Variants in SLC8A1 observed in about 807,000 individuals in gnomAD.
SLC8A1 encodes the protein sodium/calcium exchanger 1.
In SLC8A1, 18 loss-of-function variants were observed where a neutral mutation model predicts 68.3. The observed-to-expected ratio is 0.26, with a 90% CI of 0.18 to 0.39. SLC8A1 has a LOEUF of 0.39. Among genes scored for constraint, SLC8A1 ranks in the 10% least tolerant of loss-of-function variants. SLC8A1 has a pLI of 1.00. For synonymous variants in SLC8A1, 475 were observed against 415.5 expected, an observed-to-expected ratio of 1.14 and a Z score of -1.74; for missense variants, 985 against 1,156.7, an observed-to-expected ratio of 0.85 and a Z score of 2.15.
chr2:40,493,179 G>T (rs1430004824), intron 1 of SLC8A1, among the ~76,000 whole-genome samples: 2 of 152,092 alleles, frequency 1.3e-5, no homozygotes, highest in Non-Finnish European at 2.9e-5. Context: ...AAAATGATGA[G>T]TTCCTGTCCT....
chr2:40,170,989 C>A (rs140337329), intron 4 of SLC8A1, among the ~76,000 whole-genome samples: 1 of 152,134 alleles, frequency 6.6e-6, no homozygotes. Context: ...CTAGGGTTAA[C>A]CTAGGCCTAG....
intron 2 of SLC8A1, among the ~76,000 whole-genome samples, chr2:40,302,762 G>A (rs990892759): frequency 6.6e-6 from 1 of 152,016 alleles, no homozygotes; most frequent in African/African-American, 2.4e-5. Flanking sequence ...ACCCAGGAGT[G>A]GAATTACTGG....
chr2:40,454,224 A>G (rs138290162), upstream of SLC8A1, among the ~76,000 whole-genome samples: 23 of 152,326 alleles, frequency 1.5e-4, no homozygotes, highest in African/African-American at 5.5e-4. Context: ...AAAGCTTATA[A>G]CTAAAGACTC....
intron 2 of SLC8A1, among the ~76,000 whole-genome samples, chr2:40,291,216 TCAAA>T (rs1161296486): frequency 1.3e-5 from 2 of 152,146 alleles, no homozygotes; most frequent in Non-Finnish European, 1.5e-5. Flanking sequence ...GAGTATTTTC[TCAAA>T]CAAACTTTCC....
intron 2 of SLC8A1, among the ~76,000 whole-genome samples, chr2:40,384,698 A>T (rs13405465): frequency 0.37 from 56,102 of 152,004 alleles, 11,470 homozygotes; most frequent in Non-Finnish European, 0.45. Flanking sequence ...GTTTTGTTAA[A>T]AAATTTCAAG....
intron 2 of SLC8A1, among the ~76,000 whole-genome samples, chr2:40,190,995 T>G (rs2051711337): frequency 6.6e-6 from 1 of 152,168 alleles, no homozygotes; most frequent in African/African-American, 2.4e-5. Context: ...GAATATTCAT[T>G]TTCTAATTCA....
At chr2:40,497,136 G>A (rs900643416) in intron 1 of SLC8A1, among the ~76,000 whole-genome samples, 4 of 152,124 alleles carry the variant, frequency 2.6e-5, no homozygotes, top group Middle Eastern at 6.8e-3. Context: ...AGAAAAAATA[G>A]GATTATTAAA....
intron 2 of SLC8A1, among the ~76,000 whole-genome samples, chr2:40,196,494 A>T (rs925087745): frequency 6.6e-6 from 1 of 151,980 alleles, no homozygotes; most frequent in African/African-American, 2.4e-5. Flanking sequence ...TTTCCTGTGA[A>T]GCTTTAGAAA....
intron 2 of SLC8A1, among the ~76,000 whole-genome samples, chr2:40,390,641 T>A (rs72941959): frequency 6.6e-6 from 1 of 152,216 alleles, no homozygotes; most frequent in Non-Finnish European, 1.5e-5. Context: ...TCTTATCCTA[T>A]AGACAGATCA....
chr2:40,387,789 T>A (rs1460794734), intron 2 of SLC8A1, among the ~76,000 whole-genome samples: 1 of 146,110 alleles, frequency 6.8e-6, no homozygotes, highest in African/African-American at 2.8e-5. Flanking sequence ...AACACAAAAA[T>A]TAGCGGGTGT....
At chr2:40,134,222 G>A (rs1245178344) in intron 7 of SLC8A1, among the ~76,000 whole-genome samples, 1 of 151,970 alleles carries the variant, frequency 6.6e-6, no homozygotes, top group Non-Finnish European at 1.5e-5. Flanking sequence ...CTCCCGAACA[G>A]CTGGGATTAC....
intron 2 of SLC8A1, among the ~76,000 whole-genome samples, chr2:40,191,961 A>G (rs2051949976): frequency 1.3e-5 from 2 of 152,116 alleles, no homozygotes; most frequent in Non-Finnish European, 2.9e-5. Context: ...GACCTACGGG[A>G]TCTAGATTTG....
chr2:40,155,618 T>C (rs903279116), intron 6 of SLC8A1, among the ~76,000 whole-genome samples: 4 of 152,154 alleles, frequency 2.6e-5, no homozygotes, highest in African/African-American at 9.7e-5. Flanking sequence ...TATTAAGACT[T>C]TTAGAGTAGA....
chr2:40,350,030 T>C (rs1416850847), intron 2 of SLC8A1, among the ~76,000 whole-genome samples: 2 of 152,184 alleles, frequency 1.3e-5, no homozygotes, highest in Non-Finnish European at 2.9e-5. Context: ...CTGTAGACTA[T>C]GCATTTTCCT....
rs567452419 is a variant in SLC8A1, at chr2:40,177,999, C to G, written c.1809-144G>C. The G allele has an allele frequency of 4.8e-6, 3 of 625,244 alleles. No homozygotes were observed. The East Asian group carries it at 8.3e-5, about 17-fold the overall frequency. 38.7% of individuals were successfully genotyped at this position (625,244 alleles called of 1,614,324 possible). A position where few individuals can be genotyped will look rare whatever the true frequency, so the allele number is the denominator to read the frequency against. ...CCTCCTGAAGTATGTAAAAGGGCATCTTGGGTACTCTTGGCTGGCCCCCAT... is the reference window on the plus strand; with the variant it reads ...CCTCCTGAAGTATGTAAAAGGGCATGTTGGGTACTCTTGGCTGGCCCCCAT... On this transcript the variant is annotated intron_variant, in intron 2 of 7. Coordinates refer to ENST00000406785, the Ensembl canonical transcript of SLC8A1.
chr2:40,501,262 A>G (rs532771063), intron 1 of SLC8A1, among the ~76,000 whole-genome samples: 1 of 151,994 alleles, frequency 6.6e-6, no homozygotes, highest in African/African-American at 2.4e-5. Context: ...TGTTTTCTGT[A>G]TTGTTTGAGT....
intron 2 of SLC8A1, among the ~76,000 whole-genome samples, chr2:40,294,953 A>T (rs978418419): frequency 6.6e-6 from 1 of 152,214 alleles, no homozygotes; most frequent in Admixed American, 6.5e-5. Context: ...TGACAAAAGG[A>T]ACAGAAAAAA....
At chr2:40,457,094 A>T (rs1182275810) in intron 1 of SLC8A1, among the ~76,000 whole-genome samples, 1 of 152,150 alleles carries the variant, frequency 6.6e-6, no homozygotes, top group African/African-American at 2.4e-5. Flanking sequence ...AATTTCAAAG[A>T]CAGTCATTTT....
chr2:40,392,652 A>G (rs1006411226), intron 2 of SLC8A1, among the ~76,000 whole-genome samples: 3 of 152,102 alleles, frequency 2.0e-5, no homozygotes, highest in Non-Finnish European at 4.4e-5. Context: ...GCCTTCCAAG[A>G]TTTTGTATTC....
Sources: allele counts gnomAD v4.1 joint callset (sites outside exome capture counted in the v4.1 genomes callset), GRCh38; gene constraint gnomAD v4.1.1; transcripts MANE v1.5; gene names NCBI Gene and HGNC (gene_info 2026-07-23, HGNC 2026-07-21).